Variants in PDLIM5 observed in about 807,000 individuals in gnomAD.
The protein encoded by PDLIM5 is PDZ and LIM domain protein 5.
Under a neutral mutation model 64.2 loss-of-function variants are expected in PDLIM5, and 34 were observed. That is an observed-to-expected ratio of 0.53 (90% CI 0.40 to 0.71). The LOEUF is 0.71. PDLIM5 is among the 30% of genes least tolerant of loss of function. The probability of loss-of-function intolerance (pLI) is 0.00; values close to 1 mark genes in which losing one functional copy is unlikely to be tolerated. For synonymous variants in PDLIM5, 253 were observed against 269.1 expected (o/e 0.94, Z 0.59); for missense variants, 683 against 733.6 (o/e 0.93, Z 0.80).
intron 8 of PDLIM5, among the ~76,000 whole-genome samples, chr4:94,627,324 AT>A (rs1213678916): frequency 1.3e-5 from 2 of 152,114 alleles, no homozygotes; most frequent in Non-Finnish European, 2.9e-5. Context: ...TTTTCTTCTA[AT>A]TGTTCCTTCA....
At chr4:94,572,778 A>G (rs1734918628) in intron 3 of PDLIM5, among the ~76,000 whole-genome samples, 1 of 152,212 alleles carries the variant, frequency 6.6e-6, no homozygotes, top group Non-Finnish European at 1.5e-5. Context: ...AGAAGGACCT[A>G]CAGTTTACTT....
intron 3 of PDLIM5, among the ~76,000 whole-genome samples, chr4:94,534,664 G>A (rs1360482780): frequency 2.0e-5 from 3 of 152,166 alleles, no homozygotes; most frequent in Non-Finnish European, 2.9e-5. Context: ...AAGAGCCTAG[G>A]ACATAATAAG....
In PDLIM5 at chr4:94,576,004, GATCCCAGGGTGACAGT is replaced by G. The variant is rs781408190; in HGVS notation, c.682_697del (p.Ser228AsnfsTer32). 1.2e-6 allele frequency: 2 copies of G among 1,613,960 alleles called. No individual in the cohort carries two copies. Among genetic ancestry groups the G allele is most frequent in the South Asian group, 2.2e-5 (2 of 91,060 alleles). Reference sequence around the variant, plus strand: ...GAGCTAGCAGAGGGACAGAGAAGAGGATCCCAGGGTGACAGTAAACAGCAAAATGGGTAGGTGGCTA... The same window carrying G: ...GAGCTAGCAGAGGGACAGAGAAGAGGAAACAGCAAAATGGGTAGGTGGCTA... On this transcript the variant is annotated frameshift_variant, in exon 5 of 13. Coordinates refer to ENST00000317968, the MANE Select transcript of PDLIM5 (RefSeq NM_006457.5). LOFTEE classifies it high-confidence loss of function.
chr4:94,648,414 G>T lies in PDLIM5; in HGVS notation c.1284-6046G>T, dbSNP rs563112838. On this transcript the variant is annotated intron_variant, in intron 9 of 12. Coordinates refer to ENST00000317968, the MANE Select transcript of PDLIM5 (RefSeq NM_006457.5). The stretch of plus-strand genomic sequence containing the variant: ...AGCTCACTGCAGCCTCCACCTCCCA[G>T]GTTCAAGGGATTCTCCTGCCTTGGC... 2.8e-4 allele frequency among the ~76,000 whole-genome samples: 43 copies of T among 152,276 alleles called. No individual in the cohort carries two copies. The East Asian group carries it at 8.3e-3, about 29-fold the overall frequency.
At chr4:94,613,930 A>G (rs1205341873) in intron 7 of PDLIM5, among the ~76,000 whole-genome samples, 2 of 151,110 alleles carry the variant, frequency 1.3e-5, no homozygotes. Flanking sequence ...ATTCCTACAT[A>G]TAAAATAATA....
chr4:94,506,305 C>T (rs972995649), intron 2 of PDLIM5, among the ~76,000 whole-genome samples: 1 of 152,140 alleles, frequency 6.6e-6, no homozygotes, highest in African/African-American at 2.4e-5. Flanking sequence ...TACTGAATTG[C>T]ACGTAATGTT....
chr4:94,497,044 T>G (rs1173103424), intron 2 of PDLIM5, among the ~76,000 whole-genome samples: 1 of 152,234 alleles, frequency 6.6e-6, no homozygotes, highest in South Asian at 2.1e-4. Context: ...CCAAGCAAGT[T>G]TGACACTTTT....
intron 2 of PDLIM5, among the ~76,000 whole-genome samples, chr4:94,475,545 T>C (rs1725250151): frequency 6.6e-6 from 1 of 152,176 alleles, no homozygotes; most frequent in African/African-American, 2.4e-5. Flanking sequence ...AGTTGTAGTC[T>C]TTCTTTAAAT....
chr4:94,616,980 C>G (rs1738834508), intron 7 of PDLIM5, among the ~76,000 whole-genome samples: 1 of 152,194 alleles, frequency 6.6e-6, no homozygotes, highest in Non-Finnish European at 1.5e-5. Flanking sequence ...GTGCATGGGA[C>G]CAAGTCTGGA....
At chr4:94,610,799 C>T (rs1738302698) in intron 7 of PDLIM5, among the ~76,000 whole-genome samples, 1 of 152,072 alleles carries the variant, frequency 6.6e-6, no homozygotes, top group African/African-American at 2.4e-5. Context: ...GTCTTTAGAG[C>T]TTCAAATGCT....
intron 2 of PDLIM5, among the ~76,000 whole-genome samples, chr4:94,509,983 A>G (rs1421917081): frequency 3.3e-5 from 5 of 152,232 alleles, no homozygotes; most frequent in African/African-American, 9.6e-5. Context: ...GCCACGCAGT[A>G]TCAACCATCA....
intron 2 of PDLIM5, among the ~76,000 whole-genome samples, chr4:94,467,075 G>A (rs1724429713): frequency 6.6e-6 from 1 of 152,164 alleles, no homozygotes; most frequent in Non-Finnish European, 1.5e-5. Context: ...TTTCACAGCA[G>A]TACAGTTTAA....
At chr4:94,479,820 G>T (rs1725697084) in intron 2 of PDLIM5, among the ~76,000 whole-genome samples, 1 of 152,032 alleles carries the variant, frequency 6.6e-6, no homozygotes, top group Non-Finnish European at 1.5e-5. Flanking sequence ...TATGGTGTTT[G>T]TCTTTGCTTC....
chr4:94,602,339 G>A (rs1004034172), intron 7 of PDLIM5, among the ~76,000 whole-genome samples: 1 of 151,954 alleles, frequency 6.6e-6, no homozygotes, highest in Non-Finnish European at 1.5e-5. Context: ...TTTAAGGTTC[G>A]CCTTTGTGAC....
chr4:94,651,670 T>C (rs933199924), intron 9 of PDLIM5, among the ~76,000 whole-genome samples: 6 of 152,160 alleles, frequency 3.9e-5, no homozygotes, highest in Admixed American at 2.0e-4. Context: ...CTACCAAAAA[T>C]GAAAGGTAGT....
chr4:94,589,868 A>AGGTTTGAGTGATTCTCCT (rs1736545451), intron 7 of PDLIM5, among the ~76,000 whole-genome samples: 1 of 151,642 alleles, frequency 6.6e-6, no homozygotes, highest in Non-Finnish European at 1.5e-5. Context: ...TCCACCTCCC[A>AGGTTTGAGTGATTCTCCT]GGTTTGAGTG....
At chr4:94,488,861 T>A (rs1431929164) in intron 2 of PDLIM5, among the ~76,000 whole-genome samples, 2 of 152,230 alleles carry the variant, frequency 1.3e-5, no homozygotes, top group African/African-American at 4.8e-5. Context: ...GCTTCAATCT[T>A]TACTAAAGCA....
chr4:94,498,875 A>G (rs1008635173), intron 2 of PDLIM5, among the ~76,000 whole-genome samples: 1 of 152,230 alleles, frequency 6.6e-6, no homozygotes, highest in Non-Finnish European at 1.5e-5. Flanking sequence ...TTACTTTATT[A>G]TGTGACTTCA....
At chr4:94,583,161 T>C (rs3805263) in intron 5 of PDLIM5, among the ~76,000 whole-genome samples, 57,694 of 151,948 alleles carry the variant, frequency 0.38, 12,396 homozygotes, top group South Asian at 0.68. Flanking sequence ...TCTTTCATCA[T>C]GGTCATCACA....
Sources: gnomAD v4.1 joint callset for allele counts (sites outside exome capture counted in the v4.1 genomes callset) on GRCh38, gnomAD v4.1.1 for gene constraint, MANE v1.5 for transcripts, NCBI Gene and HGNC (gene_info 2026-07-23, HGNC 2026-07-21) for gene names.